The following LTK variants were observed in gnomAD, a reference collection of about 807,000 sequenced individuals.
LTK encodes the protein leukocyte receptor tyrosine kinase.
LTK carries 117 observed loss-of-function variants against 101.5 expected under a neutral mutation model. The observed-to-expected ratio is 1.15, with a 90% confidence interval of 0.99 to 1.34. LTK has a LOEUF of 1.34. Among genes scored for constraint, LTK ranks in the 40% most tolerant of loss-of-function variants. LTK has a pLI of 0.00. For synonymous variants in LTK, 563 were observed against 494.2 expected (o/e 1.14, Z -1.85); for missense variants, 1,252 against 1,164.7 (o/e 1.07, Z -1.09).
rs1378739926 is a variant in LTK, at chr15:41,511,779, T to C, written c.657+38A>G. The C allele has an allele frequency of 2.7e-6, 4 of 1,478,024 alleles. No homozygotes were observed. Among genetic ancestry groups the C allele is most frequent in the Non-Finnish European group, 3.6e-6 (4 of 1,125,712 alleles). The allele number at this position is 1,478,024 out of a possible 1,614,324, so 91.6% of individuals were successfully genotyped here. A position where few individuals can be genotyped will look rare whatever the true frequency, so the allele number is the denominator to read the frequency against. Reference sequence around the variant, plus strand: ...TGCGTGAGCGCCCCTGGGGAGAGGATTGGGACCCCAACGCTGAGCGCCGAA... The same window carrying C: ...TGCGTGAGCGCCCCTGGGGAGAGGACTGGGACCCCAACGCTGAGCGCCGAA... On this transcript the variant is annotated intron_variant, in intron 5 of 19. Coordinates refer to ENST00000263800, the MANE Select transcript of LTK (RefSeq NM_002344.6). The surrounding 1 kb of genome is among the most constrained non-coding windows in gnomAD (Gnocchi z 5.9).
chr15:41,505,561 C>T (rs759215970), intron 13 of LTK, 31 bp from the exon 14 acceptor site: 22 of 1,612,870 alleles, frequency 1.4e-5, no homozygotes, highest in Non-Finnish European at 1.9e-5. Flanking sequence ...ATCCCGTTAC[C>T]AGGAGGGAGA....
intron 11 of LTK, among the ~76,000 whole-genome samples, chr15:41,506,302 G>A (rs963171712): frequency 6.6e-6 from 1 of 152,200 alleles, no homozygotes; most frequent in Admixed American, 6.5e-5. Context: ...GGCTCCAAGA[G>A]TCATGATTTT....
At chr15:41,507,539 T>C (rs772652244) in intron 10 of LTK, 23 bp downstream of exon 10, 2 of 1,610,950 alleles carry the variant, frequency 1.2e-6, no homozygotes, top group East Asian at 2.2e-5. Flanking sequence ...TTGAATCAAC[T>C]GTGCCTGCTA....
chr15:41,509,224 T>C, intron 7 of LTK, 95 bp from the exon 8 acceptor site: 2 of 776,582 alleles, frequency 2.6e-6, no homozygotes, highest in Non-Finnish European at 4.6e-6. Flanking sequence ...TGGCCCTCTC[T>C]TCTCCAGCAT....
Position 41,504,185 on chromosome 15 carries a change from T to C in LTK, c.2406A>G (p.Glu802=), listed in dbSNP as rs745805408. ...ATCTGTTCCCCAGCCCAGAAGTCCC[T>C]TCCTCCTCTGGGGTGGGCCCCAGCT... ...PMELGPTPEE[E]GTSGLGNRSL... is the part of the protein sequence containing the mutation. Residue 802 remains glutamate (E), a synonymous_variant, in exon 20 of 20, where the codon GAA becomes GAG. Coordinates refer to ENST00000263800, the MANE Select transcript of LTK (RefSeq NM_002344.6). The C allele has an allele frequency of 5.0e-6, 8 of 1,613,584 alleles. No homozygotes were observed. Among genetic ancestry groups the C allele is most frequent in the Non-Finnish European group, 6.8e-6 (8 of 1,179,736 alleles).
At chr15:41,509,368 C>T (rs1595465582) in intron 7 of LTK, among the ~76,000 whole-genome samples, 1 of 152,164 alleles carries the variant, frequency 6.6e-6, no homozygotes, top group East Asian at 1.9e-4. Context: ...GTCCCATGTC[C>T]TCACAGTCCC....
At chr15:41,513,578 C>T in intron 1 of LTK, 89 bp downstream of exon 1, 1 of 1,231,376 alleles carries the variant, frequency 8.1e-7, no homozygotes, top group East Asian at 2.3e-5. Context: ...CTGGAGGAAC[C>T]ACTGACACCT....
chr15:41,506,732 A>C (rs1333979155), intron 11 of LTK, among the ~76,000 whole-genome samples: 1 of 151,872 alleles, frequency 6.6e-6, no homozygotes, highest in Non-Finnish European at 1.5e-5. Context: ...CTGGGATTAC[A>C]GGCATGCGCC....
At position 41,505,081 on chromosome 15, in the gene LTK, A is replaced by G. The variant is rs2051219264; in HGVS notation, c.1926-17T>C. 1 of 1,602,736 alleles carries G rather than the reference A, an allele frequency of 6.2e-7. No individual in the cohort carries two copies. The highest frequency in any genetic ancestry group is 1.7e-5 in the Admixed American group (1 of 58,710). Reference sequence around the variant, plus strand: ...GCAATATCCCTACAGAGTAGGCAAAAAAAATCACTGCCAGAATCTAGAAGT... The same window carrying G: ...GCAATATCCCTACAGAGTAGGCAAAGAAAATCACTGCCAGAATCTAGAAGT... On this transcript the variant is annotated splice_polypyrimidine_tract_variant and intron_variant, in intron 15 of 19. Transcript: ENST00000263800.
In LTK at chr15:41,509,168, T is replaced by C. The variant is rs754295613; in HGVS notation, c.998-39A>G. On this transcript the variant is annotated intron_variant, in intron 7 of 19. Transcript: ENST00000263800. ...GTGATGGAGAGTTTGACTACAAAAA[T>C]GGGGGATGGGGGAGAAGCTGGAATC... 3.3e-6 allele frequency: 4 copies of C among 1,195,606 alleles called. No individual in the cohort carries two copies. The African/African-American group carries it at 4.5e-5, about 13-fold the overall frequency. 74.1% of individuals were successfully genotyped at this position (1,195,606 alleles called of 1,614,324 possible). A position where few individuals can be genotyped will look rare whatever the true frequency, so the allele number is the denominator to read the frequency against.
intron 1 of LTK, 101 bp from the exon 2 acceptor site, chr15:41,513,221 A>G (rs2051552364): frequency 1.4e-6 from 2 of 1,390,200 alleles, no homozygotes; most frequent in Non-Finnish European, 9.6e-7. Context: ...GGTCGCGGCC[A>G]CACCCGTCAC....
intron 11 of LTK, among the ~76,000 whole-genome samples, chr15:41,506,341 G>A (rs905285552): frequency 6.6e-6 from 1 of 152,206 alleles, no homozygotes; most frequent in Non-Finnish European, 1.5e-5. Context: ...GTCTCACTCT[G>A]TCATGCAGGC....
Position 41,505,511 on chromosome 15 carries a change from T to C in LTK, c.1717A>G (p.Ile573Val), listed in dbSNP as rs1192194636. The C allele has an allele frequency of 6.2e-7, 1 of 1,613,962 alleles. No individual in the cohort carries two copies. The highest frequency in any genetic ancestry group is 1.1e-5 in the South Asian group (1 of 91,064). The change falls in exon 14 of 20, where the codon ATT becomes GTT. Residue 573 changes from isoleucine to valine, a missense_variant. Ile to Val is a conservative substitution (Grantham distance 29). Transcript: ENST00000263800. ...AGGCTGAGCCCCACACACCGCACAA[T>C]GTTCTGATGGCGAAACTTGCTGAGT... ...LIISKFRHQN[I>V]VRCVGLSLRA...
chr15:41,507,971 G>T, intron 9 of LTK, 98 bp downstream of exon 9: 2 of 1,326,882 alleles, frequency 1.5e-6, no homozygotes, highest in Non-Finnish European at 2.0e-6. Context: ...ACAGGGCCTG[G>T]CACACAGCAA....
chr15:41,507,374 G>A (rs552701649), intron 10 of LTK, 84 bp from the exon 11 acceptor site: 9 of 1,462,580 alleles, frequency 6.2e-6, no homozygotes, highest in Non-Finnish European at 8.3e-6. Context: ...CCCTCCAGAT[G>A]CTCATTAAGG....
chr15:41,505,579 C>CT, intron 13 of LTK, 49 bp from the exon 14 acceptor site: 2 of 1,611,606 alleles, frequency 1.2e-6, no homozygotes, highest in South Asian at 2.2e-5. Context: ...AGACGGAAAC[C>CT]ATGTTTTAGG....
chr15:41,504,510 GC>G lies in LTK; in HGVS notation c.2250del (p.Pro751LeufsTer6). 6.2e-7 allele frequency: 1 copy of G among 1,613,054 alleles called. No individual in the cohort carries two copies. The highest frequency in any genetic ancestry group is 8.5e-7 in the Non-Finnish European group (1 of 1,179,462). The stretch of plus-strand genomic sequence containing the variant: ...CCCGGGCAGCACTCAACTCACACAG[GC>G]CCTGGGCAGCCCCTAGGAGGGTCCA... ...GRMDPPRGCP[G>X]PVYRIMTQCW... is the part of the protein sequence containing the mutation. On this transcript the variant is annotated frameshift_variant, in exon 18 of 20. Transcript: ENST00000263800. LOFTEE classifies it high-confidence loss of function.
chr15:41,508,003 G>A, intron 9 of LTK, 66 bp downstream of exon 9: 1 of 1,490,430 alleles, frequency 6.7e-7, no homozygotes, highest in South Asian at 1.3e-5. Context: ...ATCTTTCCCA[G>A]TGGCCTACTG....
At chr15:41,512,486 C>T (rs2140735016) in intron 3 of LTK, among the ~76,000 whole-genome samples, 1 of 152,286 alleles carries the variant, frequency 6.6e-6, no homozygotes, top group South Asian at 2.1e-4. Context: ...GCTCAAGCAC[C>T]CCTTGGCGCC....
Sources: gnomAD v4.1 joint callset for allele counts (sites outside exome capture counted in the v4.1 genomes callset) on GRCh38, gnomAD v4.1.1 for gene constraint, Gnocchi (gnomAD v3.1) non-coding constraint, MANE v1.5 for transcripts, NCBI Gene and HGNC (gene_info 2026-07-23, HGNC 2026-07-21) for gene names.